The following GRM7 variants were observed in gnomAD, a reference collection of about 807,000 sequenced individuals.
GRM7 encodes the protein metabotropic glutamate receptor 7.
In GRM7, 35 loss-of-function variants were observed where a neutral mutation model predicts 84.5. The ratio of observed to expected loss-of-function variants is 0.41; its 90% confidence interval spans 0.32 to 0.55. The LOEUF (loss-of-function observed/expected upper bound fraction) is 0.55, where lower values mean the gene tolerates loss of function less well. Ranked by LOEUF, GRM7 falls within the 20% of genes least tolerant of loss-of-function variation. GRM7 has a pLI of 0.19. For synonymous variants in GRM7, 487 were observed against 455.1 expected, an observed-to-expected ratio of 1.07 and a Z score of -0.89; for missense variants, 1,003 against 1,194.6, an observed-to-expected ratio of 0.84 and a Z score of 2.36.
chr3:7,192,383 T>A (rs1695738039), intron 2 of GRM7, among the ~76,000 whole-genome samples: 1 of 152,144 alleles, frequency 6.6e-6, no homozygotes, highest in Non-Finnish European at 1.5e-5. Context: ...TCCTCTCCAA[T>A]TCTCCAAGAT....
intron 2 of GRM7, among the ~76,000 whole-genome samples, chr3:7,225,091 T>G (rs147621610): frequency 1.0e-3 from 156 of 152,230 alleles, no homozygotes; most frequent in African/African-American, 3.7e-3. Flanking sequence ...TTTTGATTGT[T>G]TACTCTCTTT....
intron 1 of GRM7, among the ~76,000 whole-genome samples, chr3:6,867,949 A>G (rs796189418): frequency 4.6e-5 from 7 of 152,346 alleles, no homozygotes; most frequent in African/African-American, 1.7e-4. Flanking sequence ...TTATTAGATT[A>G]CAAAATCAAA....
intron 8 of GRM7, among the ~76,000 whole-genome samples, chr3:7,593,601 T>A (rs1259101728): frequency 1.3e-5 from 2 of 152,022 alleles, no homozygotes; most frequent in Non-Finnish European, 2.9e-5. Flanking sequence ...CAAACCTGCA[T>A]GAAATGAAAT....
At chr3:7,206,068 A>G (rs565715386) in intron 2 of GRM7, among the ~76,000 whole-genome samples, 57 of 152,246 alleles carry the variant, frequency 3.7e-4, no homozygotes, top group African/African-American at 1.3e-3. Flanking sequence ...CTGTCATGCC[A>G]TTACTGTTGT....
At chr3:6,910,161 G>A (rs73017726) in intron 1 of GRM7, among the ~76,000 whole-genome samples, 1 of 152,084 alleles carries the variant, frequency 6.6e-6, no homozygotes, top group Non-Finnish European at 1.5e-5. Flanking sequence ...TTAGTAGATA[G>A]GGTAAATGGA....
intron 1 of GRM7, among the ~76,000 whole-genome samples, chr3:7,139,503 G>T (rs989954581): frequency 2.1e-4 from 32 of 152,032 alleles, no homozygotes; most frequent in African/African-American, 7.7e-4. Context: ...TTTTGTAGAG[G>T]AGACACCTTG....
chr3:7,115,376 A>C (rs193212682), intron 1 of GRM7, among the ~76,000 whole-genome samples: 251 of 152,258 alleles, frequency 1.6e-3, no homozygotes, highest in Middle Eastern at 0.01. Context: ...TATGTCAAGC[A>C]CCTGAAAAAA....
At chr3:7,213,115 T>C (rs1696485343) in intron 2 of GRM7, among the ~76,000 whole-genome samples, 1 of 152,222 alleles carries the variant, frequency 6.6e-6, no homozygotes, top group Non-Finnish European at 1.5e-5. Context: ...TTAAATACTA[T>C]TTCTTTCAAT....
chr3:7,586,628 T>C (rs1022480786), intron 8 of GRM7, among the ~76,000 whole-genome samples: 3 of 152,094 alleles, frequency 2.0e-5, no homozygotes, highest in African/African-American at 7.2e-5. Flanking sequence ...GCCAACATGG[T>C]GAAATCCTGT....
intron 2 of GRM7, among the ~76,000 whole-genome samples, chr3:7,204,166 G>C (rs1696156800): frequency 6.6e-6 from 1 of 152,208 alleles, no homozygotes; most frequent in Admixed American, 6.5e-5. Context: ...CTCTGGCCCT[G>C]TCCACCTGGG....
intron 1 of GRM7, among the ~76,000 whole-genome samples, chr3:7,084,475 A>T (rs899999025): frequency 6.6e-6 from 1 of 152,114 alleles, no homozygotes; most frequent in Admixed American, 6.6e-5. Flanking sequence ...TATATGTTGA[A>T]ATTAGAGCTC....
At chr3:7,518,079 T>G (rs1412128670) in intron 7 of GRM7, among the ~76,000 whole-genome samples, 7 of 152,182 alleles carry the variant, frequency 4.6e-5, no homozygotes, top group Non-Finnish European at 1.0e-4. Flanking sequence ...GATAATTCAT[T>G]TCTCAGACAG....
intron 7 of GRM7, among the ~76,000 whole-genome samples, chr3:7,479,867 G>T (rs564465743): frequency 6.6e-6 from 1 of 152,270 alleles, no homozygotes; most frequent in Admixed American, 6.5e-5. Flanking sequence ...GAAAAAAAAG[G>T]CTGGAAAGAT....
At position 7,259,919 on chromosome 3, in the gene GRM7, G is replaced by A. The variant is rs368061195; in HGVS notation, c.737-38765G>A. ...CTACGTGCCCACCAACAGTGTATAA[G>A]CATTCCCTTTTCTCTGCAACCTTAC... On this transcript the variant is annotated intron_variant, in intron 2 of 9. Coordinates refer to ENST00000357716, the MANE Select transcript of GRM7 (RefSeq NM_000844.4). Among the ~76,000 whole-genome samples, 89 of 137,776 alleles carry A rather than the reference G, an allele frequency of 6.5e-4. 4 individuals carry two copies. The South Asian group carries it at 0.016, about 24-fold the overall frequency. 90.4% of individuals were successfully genotyped at this position (137,776 alleles called of 152,430 possible).
chr3:7,617,437 T>C (rs1344633190), intron 8 of GRM7, among the ~76,000 whole-genome samples: 5 of 151,448 alleles, frequency 3.3e-5, no homozygotes, highest in African/African-American at 1.2e-4. Context: ...TACAGCTAGA[T>C]AAAACAGCTA....
intron 2 of GRM7, among the ~76,000 whole-genome samples, chr3:7,295,291 C>T (rs1464727911): frequency 6.6e-6 from 1 of 152,138 alleles, no homozygotes; most frequent in African/African-American, 2.4e-5. Flanking sequence ...AGCCAACAAT[C>T]AGTTGACTGT....
At chr3:7,326,484 G>A (rs747392330) in intron 4 of GRM7, among the ~76,000 whole-genome samples, 2 of 151,962 alleles carry the variant, frequency 1.3e-5, no homozygotes, top group African/African-American at 4.8e-5. Flanking sequence ...TAGTTAATGG[G>A]GTTTAATTAA....
intron 1 of GRM7, among the ~76,000 whole-genome samples, chr3:7,010,958 A>G (rs1393111558): frequency 6.6e-6 from 1 of 152,204 alleles, no homozygotes; most frequent in African/African-American, 2.4e-5. Context: ...AGGGACTTCC[A>G]GTTCTCTCAA....
intron 2 of GRM7, among the ~76,000 whole-genome samples, chr3:7,248,632 G>A (rs184608951): frequency 2.0e-5 from 3 of 152,178 alleles, no homozygotes; most frequent in East Asian, 1.9e-4. Flanking sequence ...TGAGATTGAA[G>A]TTAACTTGTA....
Sources: allele counts gnomAD v4.1 joint callset (sites outside exome capture counted in the v4.1 genomes callset), GRCh38; gene constraint gnomAD v4.1.1; transcripts MANE v1.5; gene names NCBI Gene and HGNC (gene_info 2026-07-23, HGNC 2026-07-21).